Variants in SSTR4 observed in about 807,000 individuals in gnomAD.
SSTR4 encodes the protein somatostatin receptor type 4.
For missense variants in SSTR4, 649 were observed against 540.6 expected, an observed-to-expected ratio of 1.20 and a Z score of -1.99; for synonymous variants, 272 against 246.3, an observed-to-expected ratio of 1.10 and a Z score of -0.98.
Position 23,037,717 on chromosome 20 carries a change from T to C in SSTR4, c.*1067T>C, listed in dbSNP as rs1394710994. ...TAAGAGGAGCTCTAATTCTGCTTTC[T>C]GATAAAAGCAGGGGAGGGGACAAAG... On this transcript the variant is annotated 3_prime_UTR_variant, in exon 1 of 1. Transcript: ENST00000255008. Among the ~76,000 whole-genome samples, 1 of 152,232 alleles carries C rather than the reference T, an allele frequency of 6.6e-6. No homozygotes were observed. The highest frequency in any genetic ancestry group is 2.4e-5 in the African/African-American group (1 of 41,456).
At position 23,037,529 on chromosome 20, in the gene SSTR4, G is replaced by A. The variant is rs1278162364; in HGVS notation, c.*879G>A. Among the ~76,000 whole-genome samples the A allele has an allele frequency of 1.3e-5, 2 of 152,066 alleles. No individual in the cohort carries two copies. The highest frequency in any genetic ancestry group is 3.9e-4 in the East Asian group (2 of 5,182). Reference sequence around the variant, plus strand: ...GGAACCAGCCCAGGTTTTGGATAGAGGAAGCAGCTTCATCACCACCCCCTA... The same window carrying A: ...GGAACCAGCCCAGGTTTTGGATAGAAGAAGCAGCTTCATCACCACCCCCTA... On this transcript the variant is annotated 3_prime_UTR_variant, in exon 1 of 1. Coordinates refer to ENST00000255008, the MANE Select transcript of SSTR4 (RefSeq NM_001052.4).
rs1441743946 is a variant in SSTR4 at position 23,036,553 on chromosome 20, C to T, written c.1070C>T (p.Ala357Val). Residue 357 changes from alanine (A) to valine (V), a missense_variant, in exon 1 of 1, where the codon GCA becomes GTA. Coordinates refer to ENST00000255008, the MANE Select transcript of SSTR4 (RefSeq NM_001052.4). ...ACTGCTCTCAAGAGCAAAGGTGGGG[C>T]AGGGTGCATGTGCCCCCCACTCCCC... is the stretch of plus-strand genomic sequence containing the variant. Reference protein sequence around the residue: ...YATALKSKGGAGCMCPPLPCQ... With the variant: ...YATALKSKGGVGCMCPPLPCQ... 3 of 1,612,112 alleles carry T rather than the reference C, an allele frequency of 1.9e-6. No homozygotes were observed. The highest frequency in any genetic ancestry group is 1.7e-6 in the Non-Finnish European group (2 of 1,179,294).
chr20:23,037,072 T>C lies in SSTR4; in HGVS notation c.*422T>C, dbSNP rs555136640. ...TGCCTTGTGGTGGGAGCACAGCTTG[T>C]ACAGGAGAGAGGAGGAAGGAAGATG... is the stretch of plus-strand genomic sequence containing the variant. On this transcript the variant is annotated 3_prime_UTR_variant, in exon 1 of 1. Transcript: ENST00000255008. 6.6e-6 allele frequency among the ~76,000 whole-genome samples: 1 copy of C among 152,278 alleles called. No individual in the cohort carries two copies. The highest frequency in any genetic ancestry group is 1.9e-4 in the East Asian group (1 of 5,160).
In SSTR4 at chr20:23,038,566, G is replaced by C. The variant is rs1466151793; in HGVS notation, c.*1916G>C. ...GAAGGAGAGGCAGCTTCAGGTGATG[G>C]AAAGAAAAGTCTCTGAGAGGCAGGA... is the stretch of plus-strand genomic sequence containing the variant. On this transcript the variant is annotated 3_prime_UTR_variant, in exon 1 of 1. Coordinates refer to ENST00000255008, the MANE Select transcript of SSTR4 (RefSeq NM_001052.4). 1.3e-5 allele frequency among the ~76,000 whole-genome samples: 2 copies of C among 152,172 alleles called. No individual in the cohort carries two copies. The highest frequency in any genetic ancestry group is 1.5e-5 in the Non-Finnish European group (1 of 68,034).
chr20:23,035,431 G>GGCGCAGCGCTAGCT lies in SSTR4; in HGVS notation c.-52_-39dup. On this transcript the variant is annotated 5_prime_UTR_variant, in exon 1 of 1. Transcript: ENST00000255008. The stretch of plus-strand genomic sequence containing the variant: ...CCTGGGCCCGCCGCCCGAGCTCTCT[G>GGCGCAGCGCTAGCT]GCGCAGCGCTAGCTCCGCCGCGCTC... 7.8e-7 allele frequency: 1 copy of GGCGCAGCGCTAGCT among 1,281,354 alleles called. No homozygotes were observed. Among genetic ancestry groups the GGCGCAGCGCTAGCT allele is most frequent in the Non-Finnish European group, 9.9e-7 (1 of 1,012,384 alleles). 79.4% of individuals were successfully genotyped at this position (1,281,354 alleles called of 1,614,324 possible).
chr20:23,037,753 A>G lies in SSTR4; in HGVS notation c.*1103A>G, dbSNP rs1211015034. Among the ~76,000 whole-genome samples the G allele has an allele frequency of 6.6e-6, 1 of 152,204 alleles. No individual in the cohort carries two copies. The highest frequency in any genetic ancestry group is 6.5e-5 in the Admixed American group (1 of 15,278). On this transcript the variant is annotated 3_prime_UTR_variant, in exon 1 of 1. Coordinates refer to ENST00000255008, the MANE Select transcript of SSTR4 (RefSeq NM_001052.4). ...GGGGAGGGGACAAAGGAGAACTTGG[A>G]ACACTTATGTTAGCATCTGGTGTAA...
At position 23,037,994 on chromosome 20, in the gene SSTR4, A is replaced by G. The variant is rs1984373421; in HGVS notation, c.*1344A>G. Among the ~76,000 whole-genome samples the G allele has an allele frequency of 6.6e-6, 1 of 152,150 alleles. No individual in the cohort carries two copies. The stretch of plus-strand genomic sequence containing the variant: ...TGAGAGAATGGGTAGCCATGTCTGT[A>G]CTACATACTGGAGACATGACTGTGG... On this transcript the variant is annotated 3_prime_UTR_variant, in exon 1 of 1. Coordinates refer to ENST00000255008, the MANE Select transcript of SSTR4 (RefSeq NM_001052.4).
At position 23,035,913 on chromosome 20, in the gene SSTR4, C is replaced by T. The variant is rs377501429; in HGVS notation, c.430C>T (p.Arg144Cys). 50 of 1,612,874 alleles carry T rather than the reference C, an allele frequency of 3.1e-5. No homozygotes were observed. In the African/African-American group the frequency reaches 3.2e-4, roughly 10 times the overall value. ...VFCLTVLSVD[R>C]YVAVVHPLRA... ...CTGTCTCACCGTGCTCAGCGTGGAC[C>T]GCTACGTGGCCGTGGTGCACCCTCT... is the stretch of plus-strand genomic sequence containing the variant. The change falls in exon 1 of 1, where the codon CGC (arginine) becomes TGC (cysteine). Residue 144 changes from arginine to cysteine, a missense_variant. Transcript: ENST00000255008.
chr20:23,036,439 G>T lies in SSTR4; in HGVS notation c.956G>T (p.Arg319Leu), dbSNP rs367818373. The T allele has an allele frequency of 5.6e-6, 9 of 1,613,884 alleles. No individual in the cohort carries two copies. Among genetic ancestry groups the T allele is most frequent in the Non-Finnish European group, 6.8e-6 (8 of 1,179,906 alleles). Residue 319 changes from arginine (R) to leucine (L), a missense_variant, in exon 1 of 1, where the codon CGC (arginine) becomes CTC (leucine). By Grantham distance (102) the Arg-to-Leu change is moderately radical. Transcript: ENST00000255008. ...ILYGFLSDNF[R>L]RFFQRVLCLR... ...TATGGCTTCCTCTCCGACAACTTCCGCCGATTCTTCCAGCGGGTTCTCTGC... is the reference window on the plus strand; with the variant it reads ...TATGGCTTCCTCTCCGACAACTTCCTCCGATTCTTCCAGCGGGTTCTCTGC...
rs377034050 is a variant in SSTR4, at chr20:23,035,812, G to T, written c.329G>T (p.Arg110Leu). The change falls in exon 1 of 1, where the codon CGC becomes CTC. Residue 110 changes from arginine (R) to leucine (L), a missense_variant. Physicochemically the swap from Arg to Leu is moderately radical, Grantham distance 102. Transcript: ENST00000255008. The part of the protein sequence containing the change: ...VPFVASSAAL[R>L]HWPFGSVLCR... ...TTCGTGGCCTCGTCGGCCGCCCTGC[G>T]CCACTGGCCCTTCGGCTCCGTGCTG... The T allele has an allele frequency of 1.3e-6, 2 of 1,591,006 alleles. No individual in the cohort carries two copies. Among genetic ancestry groups the T allele is most frequent in the Admixed American group, 3.5e-5 (2 of 56,896 alleles).
In SSTR4 at chr20:23,036,780, A is replaced by G; in HGVS notation, c.*130A>G. 9.4e-7 allele frequency: 1 copy of G among 1,061,318 alleles called. No individual in the cohort carries two copies. The highest frequency in any genetic ancestry group is 1.3e-6 in the Non-Finnish European group (1 of 742,874). The allele number at this position is 1,061,318 out of a possible 1,614,324, so 65.7% of individuals were successfully genotyped here. A position where few individuals can be genotyped will look rare whatever the true frequency, so the allele number is the denominator to read the frequency against. ...ACCTGTTCCTTCCAGCAGCCCATGT[A>G]CCTGCCGGAGAGTGTCAGAACTCTT... On this transcript the variant is annotated 3_prime_UTR_variant, in exon 1 of 1. Transcript: ENST00000255008.
Position 23,036,336 on chromosome 20 carries a change from G to C in SSTR4, c.853G>C (p.Val285Leu), listed in dbSNP as rs368872232. 16 of 1,613,992 alleles carry C rather than the reference G, an allele frequency of 9.9e-6. No homozygotes were observed. The highest frequency in any genetic ancestry group is 1.2e-5 in the Non-Finnish European group (14 of 1,180,016). ...FYVVQLLNLF[V>L]TSLDATVNHV... ...CGTGGTGCAGCTGCTGAACCTCTTC[G>C]TGACCAGCCTTGATGCCACCGTCAA... Residue 285 changes from valine (V) to leucine (L), a missense_variant, in exon 1 of 1, where the codon GTG becomes CTG. By Grantham distance (32) the Val-to-Leu change is conservative. Transcript: ENST00000255008.
rs6082984 is a variant in SSTR4, at chr20:23,036,495, G to A, written c.1012G>A (p.Gly338Ser). The A allele has an allele frequency of 6.2e-7, 1 of 1,613,940 alleles. No individual in the cohort carries two copies. Residue 338 changes from glycine (G) to serine (S), a missense_variant, in exon 1 of 1, where the codon GGT (glycine) becomes AGT (serine). Coordinates refer to ENST00000255008, the MANE Select transcript of SSTR4 (RefSeq NM_001052.4). ...CTGCTGCCTCCTGGAAGGTGCTGGA[G>A]GTGCTGAGGAGGAGCCCCTGGACTA... ...LRCCLLEGAG[G>S]AEEEPLDYYA...
Position 23,039,043 on chromosome 20 carries a change from C to A in SSTR4, c.*2393C>A, listed in dbSNP as rs1320912779. 2 of 152,314 alleles carry A rather than the reference C, an allele frequency of 1.3e-5. No individual in the cohort carries two copies. Among genetic ancestry groups the A allele is most frequent in the African/African-American group, 4.8e-5 (2 of 41,568 alleles). The allele number at this position is 152,314 out of a possible 1,614,324, so 9.4% of individuals were successfully genotyped here. Reference sequence around the variant, plus strand: ...TTTTGTAACAACTGGTTGCATGAAACCCTCCCTTGTAGTTTGTGTACAGAA... The same window carrying A: ...TTTTGTAACAACTGGTTGCATGAAAACCTCCCTTGTAGTTTGTGTACAGAA... On this transcript the variant is annotated 3_prime_UTR_variant, in exon 1 of 1. Coordinates refer to ENST00000255008, the MANE Select transcript of SSTR4 (RefSeq NM_001052.4).
Position 23,035,841 on chromosome 20 carries a change from C to T in SSTR4, c.358C>T (p.Arg120Cys). 3 of 1,600,786 alleles carry T rather than the reference C, an allele frequency of 1.9e-6. No individual in the cohort carries two copies. The highest frequency in any genetic ancestry group is 2.6e-6 in the Non-Finnish European group (3 of 1,173,668). ...CTGGCCCTTCGGCTCCGTGCTGTGC[C>T]GCGCGGTGCTCAGCGTCGACGGCCT... is the stretch of plus-strand genomic sequence containing the variant. ...RHWPFGSVLC[R>C]AVLSVDGLNM... is the part of the protein sequence containing the mutation. The change falls in exon 1 of 1, where the codon CGC becomes TGC. Residue 120 changes from arginine (R) to cysteine (C), a missense_variant. Transcript: ENST00000255008.
chr20:23,036,004 C>T lies in SSTR4; in HGVS notation c.521C>T (p.Ser174Phe). 6.3e-7 allele frequency: 1 copy of T among 1,596,218 alleles called. No individual in the cohort carries two copies. The highest frequency in any genetic ancestry group is 8.5e-7 in the Non-Finnish European group (1 of 1,175,490). ...KLINLGVWLA[S>F]LLVTLPIAIF... ...ATCAACCTGGGCGTGTGGCTGGCATCCCTGTTGGTCACTCTCCCCATCGCC... is the reference window on the plus strand; with the variant it reads ...ATCAACCTGGGCGTGTGGCTGGCATTCCTGTTGGTCACTCTCCCCATCGCC... Residue 174 changes from serine to phenylalanine, a missense_variant, in exon 1 of 1, where the codon TCC (serine) becomes TTC (phenylalanine). Ser to Phe is a radical substitution (Grantham distance 155). Coordinates refer to ENST00000255008, the MANE Select transcript of SSTR4 (RefSeq NM_001052.4).
chr20:23,035,365 C>T lies in SSTR4; in HGVS notation c.-119C>T, dbSNP rs988888830. 2.0e-5 allele frequency: 16 copies of T among 796,594 alleles called. No homozygotes were observed. The South Asian group carries it at 3.9e-4, about 19-fold the overall frequency. 49.3% of individuals were successfully genotyped at this position (796,594 alleles called of 1,614,324 possible). A position where few individuals can be genotyped will look rare whatever the true frequency, so the allele number is the denominator to read the frequency against. Reference sequence around the variant, plus strand: ...CTCCCCGGTGCCCGCAGCTCTTCAGCGTAGCCGGGAAGAGCCGCGCGTCTG... The same window carrying T: ...CTCCCCGGTGCCCGCAGCTCTTCAGTGTAGCCGGGAAGAGCCGCGCGTCTG... On this transcript the variant is annotated 5_prime_UTR_variant, in exon 1 of 1. Coordinates refer to ENST00000255008, the MANE Select transcript of SSTR4 (RefSeq NM_001052.4).
Position 23,036,216 on chromosome 20 carries a change from G to A in SSTR4, c.733G>A (p.Ala245Thr), listed in dbSNP as rs757025068. Residue 245 changes from alanine to threonine, a missense_variant, in exon 1 of 1, where the codon GCT (alanine) becomes ACT (threonine). By Grantham distance (58) the Ala-to-Thr change is moderately conservative. Coordinates refer to ENST00000255008, the MANE Select transcript of SSTR4 (RefSeq NM_001052.4). ...VGKMRAVALR[A>T]GWQQRRRSEK... ...CAAGATGCGCGCCGTGGCCCTGCGC[G>A]CTGGCTGGCAGCAGCGCAGGCGCTC... is the stretch of plus-strand genomic sequence containing the variant. 12 of 1,613,572 alleles carry A rather than the reference G, an allele frequency of 7.4e-6. No individual in the cohort carries two copies. In the East Asian group the frequency reaches 1.6e-4, roughly 21 times the overall value.
chr20:23,036,450 C>T lies in SSTR4; in HGVS notation c.967C>T (p.Gln323Ter). Residue 323 changes from glutamine to a stop codon, truncating the protein, a stop_gained, in exon 1 of 1, where the codon CAG (glutamine) becomes TAG (stop). Transcript: ENST00000255008. LOFTEE classifies it low-confidence loss of function (END_TRUNC). Reference protein sequence around the residue: ...FLSDNFRRFFQRVLCLRCCLL... With the variant: ...FLSDNFRRFF ...CTCCGACAACTTCCGCCGATTCTTC[C>T]AGCGGGTTCTCTGCCTGCGCTGCTG... 1 of 1,613,712 alleles carries T rather than the reference C, an allele frequency of 6.2e-7. No homozygotes were observed. Among genetic ancestry groups the T allele is most frequent in the Non-Finnish European group, 8.5e-7 (1 of 1,179,808 alleles).
Sources: gnomAD v4.1 joint callset for allele counts (sites outside exome capture counted in the v4.1 genomes callset) on GRCh38, gnomAD v4.1.1 for gene constraint, MANE v1.5 for transcripts, NCBI Gene and HGNC (gene_info 2026-07-23, HGNC 2026-07-21) for gene names.